Variants in MSR1 observed in about 807,000 individuals in gnomAD.
MSR1 encodes the protein macrophage scavenger receptor 1, also known as macrophage scavenger receptor types I and II.
In MSR1, 53 loss-of-function variants were observed where a neutral mutation model predicts 47.2. That is an observed-to-expected ratio of 1.12 (90% CI 0.90 to 1.41). The LOEUF (loss-of-function observed/expected upper bound fraction) is 1.41. MSR1 is among the 40% of genes most tolerant of loss of function. MSR1 has a pLI of 0.00. For synonymous variants in MSR1, 239 were observed against 185.6 expected (o/e 1.29, Z -2.34); for missense variants, 786 against 546.9 (o/e 1.44, Z -4.36).
chr8:16,185,122 G>C (rs891665414), intron 1 of MSR1, among the ~76,000 whole-genome samples: 4 of 147,320 alleles, frequency 2.7e-5, no homozygotes, highest in African/African-American at 5.0e-5. Context: ...GGTTTATCAT[G>C]AACTGCACGA....
intron 9 of MSR1, among the ~76,000 whole-genome samples, chr8:16,110,596 G>A (rs932108895): frequency 2.0e-5 from 3 of 152,016 alleles, no homozygotes; most frequent in South Asian, 2.1e-4. Context: ...TGATCCAAGC[G>A]TATCTGTATG....
intron 1 of MSR1, among the ~76,000 whole-genome samples, chr8:16,190,552 A>G (rs1802168892): frequency 6.6e-6 from 1 of 152,066 alleles, no homozygotes. Flanking sequence ...GTTATTATCT[A>G]TTCATATTCA....
Position 16,173,736 on chromosome 8 carries a change from C to A in MSR1, c.217+1451G>T, listed in dbSNP as rs35297949. Among the ~76,000 whole-genome samples the A allele has an allele frequency of 3.0e-3, 463 of 152,212 alleles. 3 individuals are homozygous for A. The highest frequency in any genetic ancestry group is 0.015 in the Admixed American group (222 of 15,296). On this transcript the variant is annotated intron_variant, in intron 3 of 9. Transcript: ENST00000262101. ...CGATCTCGGCTCACTGCAAGTTCCA[C>A]CTCCTGGGTTCACGCCATTCTCCTG...
intron 1 of MSR1, among the ~76,000 whole-genome samples, chr8:16,189,539 TTTTATATA>T (rs1223240350): frequency 4.2e-5 from 4 of 95,786 alleles, no homozygotes; most frequent in African/African-American, 1.7e-4. Flanking sequence ...TTTATATATA[TTTTATATA>T]TTTTATATAT....
intron 8 of MSR1, among the ~76,000 whole-genome samples, chr8:16,123,293 C>T (rs1008287920): frequency 7.2e-5 from 11 of 152,096 alleles, no homozygotes; most frequent in African/African-American, 1.9e-4. Context: ...AGAGGAAAGG[C>T]GTCTCAATAG....
rs1043437913 is a variant in MSR1 at position 16,154,917 on chromosome 8, T to C, written c.898+147A>G. The stretch of plus-strand genomic sequence containing the variant: ...TAATCCCCCAAAACACACACACATA[T>C]ACACACATGTGCGTGCATACACACA... On this transcript the variant is annotated intron_variant, in intron 6 of 9. Transcript: ENST00000262101. The C allele has an allele frequency of 4.4e-6, 3 of 678,138 alleles. No individual in the cohort carries two copies. The South Asian group carries it at 5.1e-5, about 11-fold the overall frequency. The allele number at this position is 678,138 out of a possible 1,614,324, so 42.0% of individuals were successfully genotyped here.
intron 4 of MSR1, among the ~76,000 whole-genome samples, chr8:16,165,207 G>A (rs372055112): frequency 3.9e-5 from 6 of 152,084 alleles, no homozygotes; most frequent in African/African-American, 1.4e-4. Flanking sequence ...AACCATTGCC[G>A]TACTACTCTC....
chr8:16,120,613 A>C lies in MSR1; in HGVS notation c.1034-7T>G. Reference sequence around the variant, plus strand: ...CGAACTTTCGTAAATGGAGCTGTAAAGTTAAAAAAAAAAAAAAAAAAAAAA... The same window carrying C: ...CGAACTTTCGTAAATGGAGCTGTAACGTTAAAAAAAAAAAAAAAAAAAAAA... On this transcript the variant is annotated splice_polypyrimidine_tract_variant and splice_region_variant and intron_variant, in intron 8 of 9. Coordinates refer to ENST00000262101, the MANE Select transcript of MSR1 (RefSeq NM_138715.3). 6.8e-7 allele frequency: 1 copy of C among 1,471,260 alleles called. No homozygotes were observed. The highest frequency in any genetic ancestry group is 2.6e-5 in the East Asian group (1 of 38,832). The allele number at this position is 1,471,260 out of a possible 1,614,324, so 91.1% of individuals were successfully genotyped here. A position where few individuals can be genotyped will look rare whatever the true frequency, so the allele number is the denominator to read the frequency against.
At chr8:16,183,345 C>G (rs1194304947) in intron 1 of MSR1, among the ~76,000 whole-genome samples, 1 of 151,700 alleles carries the variant, frequency 6.6e-6, no homozygotes, top group African/African-American at 2.4e-5. Flanking sequence ...GAACTCTGAA[C>G]GAGTAGGGAC....
intron 8 of MSR1, among the ~76,000 whole-genome samples, chr8:16,130,149 A>C (rs574871382): frequency 6.9e-4 from 105 of 152,330 alleles, no homozygotes; most frequent in African/African-American, 2.5e-3. Context: ...GACAAGTGCT[A>C]ACTGCTGGAT....
intron 6 of MSR1, among the ~76,000 whole-genome samples, chr8:16,151,215 A>G (rs1466771761): frequency 1.3e-5 from 2 of 152,108 alleles, no homozygotes; most frequent in East Asian, 3.9e-4. Flanking sequence ...TCTTGGGGCC[A>G]TAAGAGCATC....
At chr8:16,189,413 A>T (rs1207841406) in intron 1 of MSR1, among the ~76,000 whole-genome samples, 1 of 97,984 alleles carries the variant, frequency 1.0e-5, no homozygotes, top group African/African-American at 6.1e-5. Context: ...TTTTATATAT[A>T]TTTTATATAT....
chr8:16,192,055 T>C (rs1802214077), intron 1 of MSR1, among the ~76,000 whole-genome samples: 1 of 152,146 alleles, frequency 6.6e-6, no homozygotes, highest in South Asian at 2.1e-4. Flanking sequence ...TTTTAAATCA[T>C]AAGATTCCGG....
At chr8:16,152,372 G>A (rs1318813032) in intron 6 of MSR1, among the ~76,000 whole-genome samples, 1 of 152,066 alleles carries the variant, frequency 6.6e-6, no homozygotes, top group Non-Finnish European at 1.5e-5. Flanking sequence ...ATGGGAAGGG[G>A]CGGGCCAGGG....
chr8:16,126,320 A>T (rs1800127446), intron 8 of MSR1, among the ~76,000 whole-genome samples: 1 of 152,164 alleles, frequency 6.6e-6, no homozygotes, highest in Non-Finnish European at 1.5e-5. Flanking sequence ...CATAGAAATG[A>T]CTTTTGAGGA....
chr8:16,165,758 A>C (rs184247025), intron 4 of MSR1, among the ~76,000 whole-genome samples: 7 of 152,266 alleles, frequency 4.6e-5, no homozygotes, highest in Non-Finnish European at 7.4e-5. Context: ...GACCTTCGAA[A>C]ATAAATGAAT....
intron 5 of MSR1, among the ~76,000 whole-genome samples, chr8:16,158,945 T>TTTTG (rs2117155302): frequency 6.7e-6 from 1 of 148,646 alleles, no homozygotes; most frequent in South Asian, 2.1e-4. Context: ...TTTTTTTTTT[T>TTTTG]TTTTTTCAGA....
intron 5 of MSR1, among the ~76,000 whole-genome samples, chr8:16,162,912 A>C (rs1801201306): frequency 6.6e-6 from 1 of 151,968 alleles, no homozygotes; most frequent in Non-Finnish European, 1.5e-5. Context: ...CTGTATAAAA[A>C]AAGAAAAATA....
intron 9 of MSR1, among the ~76,000 whole-genome samples, chr8:16,118,453 G>A (rs1280776146): frequency 6.6e-6 from 1 of 152,082 alleles, no homozygotes; most frequent in Non-Finnish European, 1.5e-5. Flanking sequence ...ATTTGGAAAC[G>A]TGGGCTGGGT....
Sources: gnomAD v4.1 joint callset for allele counts (sites outside exome capture counted in the v4.1 genomes callset) on GRCh38, gnomAD v4.1.1 for gene constraint, MANE v1.5 for transcripts, NCBI Gene and HGNC (gene_info 2026-07-23, HGNC 2026-07-21) for gene names.